The following RSF1 variants were observed in gnomAD, a reference collection of about 807,000 sequenced individuals.
The protein encoded by RSF1 is remodeling and spacing factor 1, also known as HBV pX-associated protein 8.
A neutral mutation model predicts 145.2 loss-of-function variants in RSF1; 13 were observed. The observed-to-expected ratio is 0.09, with a 90% confidence interval of 0.06 to 0.14. The LOEUF is 0.14. RSF1 is among the 10% of genes least tolerant of loss of function. RSF1 has a pLI of 1.00. For synonymous variants in RSF1, 577 were observed against 592.6 expected (o/e 0.97, Z 0.38); for missense variants, 1,517 against 1,718.2 (o/e 0.88, Z 2.07).
chr11:77,681,179 G>C (rs918721029), intron 11 of RSF1, among the ~76,000 whole-genome samples: 2 of 152,150 alleles, frequency 1.3e-5, no homozygotes, highest in South Asian at 4.1e-4. Flanking sequence ...ATAGTCCCTT[G>C]GTCTTGGTTG....
At chr11:77,848,910 C>G in the RSF1 span, among the ~76,000 whole-genome samples, 1 of 152,146 alleles carries the variant, frequency 6.6e-6, no homozygotes, top group Non-Finnish European at 1.5e-5. Context: ...CTGCTCTTAT[C>G]ATCCCAACTA....
chr11:77,819,394 A>T (rs919751527), intron 1 of RSF1, among the ~76,000 whole-genome samples: 1 of 152,256 alleles, frequency 6.6e-6, no homozygotes, highest in Non-Finnish European at 1.5e-5. Flanking sequence ...GGTGAGTATA[A>T]GCACTCAGTG....
At chr11:77,808,404 T>C (rs1355841230) in intron 1 of RSF1, among the ~76,000 whole-genome samples, 1 of 152,054 alleles carries the variant, frequency 6.6e-6, no homozygotes, top group Non-Finnish European at 1.5e-5. Flanking sequence ...AGACTAGGAT[T>C]TTCCCAAGCA....
chr11:77,680,806 T>C (rs1959839398), intron 11 of RSF1, among the ~76,000 whole-genome samples: 1 of 152,230 alleles, frequency 6.6e-6, no homozygotes, highest in Admixed American at 6.5e-5. Context: ...TTGTCTTAAG[T>C]TCTGAGAAAG....
At chr11:77,852,193 C>T in the RSF1 span, among the ~76,000 whole-genome samples, 2 of 96,928 alleles carry the variant, frequency 2.1e-5, no homozygotes, top group Non-Finnish European at 4.0e-5. Flanking sequence ...GAGCTTCACT[C>T]CAGCCTGGCC....
At chr11:77,717,721 A>G (rs1186320903) in intron 5 of RSF1, 2 of 152,166 alleles carry the variant, frequency 1.3e-5, no homozygotes, top group Admixed American at 6.5e-5. Flanking sequence ...TCCACTTTTA[A>G]TTTTTTTAAT....
At chr11:77,730,831 C>T (rs939444384) in intron 4 of RSF1, among the ~76,000 whole-genome samples, 5 of 152,192 alleles carry the variant, frequency 3.3e-5, no homozygotes, top group Admixed American at 1.3e-4. Flanking sequence ...CTCCTCCTTG[C>T]CTTCTGCCAT....
At chr11:77,673,250 C>T (rs1216544560) in intron 14 of RSF1, among the ~76,000 whole-genome samples, 1 of 152,200 alleles carries the variant, frequency 6.6e-6, no homozygotes, top group East Asian at 1.9e-4. Flanking sequence ...TACAAATCTG[C>T]TAAATAAAGC....
At chr11:77,731,204 A>G (rs1961199904) in intron 4 of RSF1, among the ~76,000 whole-genome samples, 4 of 152,172 alleles carry the variant, frequency 2.6e-5, no homozygotes, top group African/African-American at 9.7e-5. Context: ...CAACAGGAGT[A>G]AGGGTGAGTT....
chr11:77,786,008 C>CAATCTGCATATCATATCGTATAGAAACA (rs11371065), intron 1 of RSF1, among the ~76,000 whole-genome samples: 1 of 148,808 alleles, frequency 6.7e-6, no homozygotes, highest in Non-Finnish European at 1.5e-5. Context: ...TAAAAAGAAA[C>CAATCTGCATATCATATCGTATAGAAACA]ATCTGCATAT....
At chr11:77,782,399 G>A (rs941371347) in intron 1 of RSF1, among the ~76,000 whole-genome samples, 2 of 152,182 alleles carry the variant, frequency 1.3e-5, no homozygotes, top group Admixed American at 1.3e-4. Context: ...AACTTAGCCA[G>A]GTGTGGTGGC....
chr11:77,735,983 C>T (rs1343174113), intron 4 of RSF1, among the ~76,000 whole-genome samples: 3 of 152,196 alleles, frequency 2.0e-5, no homozygotes, highest in Non-Finnish European at 4.4e-5. Context: ...ATGATCCGCC[C>T]GCCTTGGCCT....
chr11:77,790,857 G>A (rs995205756), intron 1 of RSF1, among the ~76,000 whole-genome samples: 1 of 152,174 alleles, frequency 6.6e-6, no homozygotes, highest in Non-Finnish European at 1.5e-5. Flanking sequence ...CTCCGCCCCT[G>A]TGGCTTTGGA....
At chr11:77,670,731 A>G (rs939728495) in intron 15 of RSF1, among the ~76,000 whole-genome samples, 1 of 152,126 alleles carries the variant, frequency 6.6e-6, no homozygotes, top group Non-Finnish European at 1.5e-5. Flanking sequence ...TCCCACATCC[A>G]AACATTTTTT....
At chr11:77,766,032 G>A (rs1565174145) in intron 1 of RSF1, among the ~76,000 whole-genome samples, 1 of 152,076 alleles carries the variant, frequency 6.6e-6, no homozygotes, top group African/African-American at 2.4e-5. Context: ...ACAGGCATGA[G>A]CCACTGCACC....
intron 5 of RSF1, among the ~76,000 whole-genome samples, chr11:77,711,486 G>A (rs189795494): frequency 1.3e-3 from 191 of 151,900 alleles, no homozygotes; most frequent in African/African-American, 4.4e-3. Flanking sequence ...GGCCAACATG[G>A]TGAAACACCA....
chr11:77,764,346 A>G, intron 2 of RSF1: 1 of 363,124 alleles, frequency 2.8e-6, no homozygotes, highest in Non-Finnish European at 4.9e-6. Flanking sequence ...GAGAAAAGAC[A>G]TGAAAAGTCC....
upstream of RSF1, among the ~76,000 whole-genome samples, chr11:77,825,493 TTAAG>T (rs1949127352): frequency 6.6e-6 from 1 of 152,164 alleles, no homozygotes; most frequent in South Asian, 2.1e-4. Flanking sequence ...GAAAAAGCTA[TTAAG>T]TGTCAACAGA....
At chr11:77,740,304 G>A (rs1248874175) in intron 4 of RSF1, among the ~76,000 whole-genome samples, 2 of 152,262 alleles carry the variant, frequency 1.3e-5, no homozygotes, top group Non-Finnish European at 2.9e-5. Context: ...GAACCTGGGA[G>A]ATGGAGGTTA....
Sources: allele counts gnomAD v4.1 joint callset (sites outside exome capture counted in the v4.1 genomes callset), GRCh38; gene constraint gnomAD v4.1.1; transcripts MANE v1.5; gene names NCBI Gene and HGNC (gene_info 2026-07-23, HGNC 2026-07-21).